The following VASP variants were observed in gnomAD, a reference collection of about 807,000 sequenced individuals.
VASP encodes vasodilator-stimulated phosphoprotein.
VASP carries 27 observed loss-of-function variants against 54.4 expected under a neutral mutation model. The ratio of observed to expected loss-of-function variants is 0.50; its 90% CI spans 0.37 to 0.68. The LOEUF (loss-of-function observed/expected upper bound fraction) is 0.68. Ranked by LOEUF, VASP falls within the 30% of genes least tolerant of loss-of-function variation. The pLI is 0.00. For synonymous variants in VASP, 233 were observed against 209.8 expected (o/e 1.11, Z -0.96); for missense variants, 488 against 528.3 (o/e 0.92, Z 0.75).
At position 45,523,849 on chromosome 19, in the gene VASP, G is replaced by C; in HGVS notation, c.882G>C (p.Glu294Asp). The C allele has an allele frequency of 6.2e-7, 1 of 1,614,022 alleles. No individual in the cohort carries two copies. The highest frequency in any genetic ancestry group is 1.3e-5 in the African/African-American group (1 of 74,982). Residue 294 changes from glutamate to aspartate, a missense_variant, in exon 9 of 13, where the codon GAG (glutamate) becomes GAC (aspartate). Transcript: ENST00000245932. ...TPKDESANQE[E>D]PEARVPAQSE... ...GTTTTATTTCCTACCAGCAGGAGGAGCCAGAGGCCAGAGTCCCGGCCCAGA... is the reference window on the plus strand; with the variant it reads ...GTTTTATTTCCTACCAGCAGGAGGACCCAGAGGCCAGAGTCCCGGCCCAGA...
rs1183931586 is a variant in VASP at position 45,522,813 on chromosome 19, CCGG to C, written c.817_819del (p.Arg275del). ...TGGAAGAGATGAACGCCATGCTGGC[CCGG>C]AGGTGAGCCTGAGCCTGGACCCCCA... On this transcript the variant is annotated inframe_deletion and splice_region_variant, in exon 7 of 13. Transcript: ENST00000245932. 6.2e-7 allele frequency: 1 copy of C among 1,606,104 alleles called. No individual in the cohort carries two copies. Among genetic ancestry groups the C allele is most frequent in the Non-Finnish European group, 8.5e-7 (1 of 1,177,220 alleles).
chr19:45,525,079 T>G, intron 11 of VASP: 1 of 186,578 alleles, frequency 5.4e-6, no homozygotes. Context: ...GATGTAGGGG[T>G]AGGTCTCAAA....
At chr19:45,516,023 C>T (rs1166879512) in intron 1 of VASP, among the ~76,000 whole-genome samples, 2 of 152,220 alleles carry the variant, frequency 1.3e-5, no homozygotes, top group Admixed American at 1.3e-4. Context: ...AGCTCCTGAA[C>T]TCTGCACCAG....
chr19:45,509,461 C>T (rs1968556447), intron 1 of VASP, among the ~76,000 whole-genome samples: 2 of 152,128 alleles, frequency 1.3e-5, no homozygotes, highest in African/African-American at 4.8e-5. Context: ...AGTGCTGCCT[C>T]ACTCACTGCA....
intron 11 of VASP, 180 bp downstream of exon 11, chr19:45,524,840 T>TG: frequency 1.7e-6 from 1 of 583,754 alleles, no homozygotes; most frequent in Non-Finnish European, 3.1e-6. Context: ...CTGGCACCTG[T>TG]GACAGACATT....
At chr19:45,519,684 C>T (rs1248170683) in intron 3 of VASP, among the ~76,000 whole-genome samples, 1 of 150,846 alleles carries the variant, frequency 6.6e-6, no homozygotes, top group South Asian at 2.1e-4. Context: ...CAAGCTCTGC[C>T]TCCCGGGTAA....
chr19:45,512,842 G>T (rs1159654935), intron 1 of VASP, among the ~76,000 whole-genome samples: 1 of 151,928 alleles, frequency 6.6e-6, no homozygotes, highest in South Asian at 2.1e-4. Flanking sequence ...CTTGTGATCC[G>T]CCTGCCTTGG....
chr19:45,510,425 C>T lies in VASP; in HGVS notation c.5+2649C>T, dbSNP rs143674072. Among the ~76,000 whole-genome samples, 1,017 of 152,158 alleles carry T rather than the reference C, an allele frequency of 6.7e-3. 21 individuals are homozygous for T. Among genetic ancestry groups the T allele is most frequent in the Admixed American group, 0.041 (632 of 15,246 alleles). ...ATTTTTAGTAGAGATAGGGTTTCAC[C>T]GTGATGGCCAGGCTGGTCTCGAACT... On this transcript the variant is annotated intron_variant, in intron 1 of 12. Transcript: ENST00000245932.
chr19:45,521,940 T>C (rs1968844495), intron 4 of VASP, among the ~76,000 whole-genome samples: 1 of 151,996 alleles, frequency 6.6e-6, no homozygotes, highest in African/African-American at 2.4e-5. Context: ...CCTGACAGTT[T>C]AGTGACTGGG....
At chr19:45,516,706 GT>G (rs1377777249) in intron 1 of VASP, among the ~76,000 whole-genome samples, 1 of 151,954 alleles carries the variant, frequency 6.6e-6, no homozygotes, top group Non-Finnish European at 1.5e-5. Context: ...CATTAAAAAA[GT>G]TTTTTTGTGG....
rs1466670061 is a variant in VASP, at chr19:45,507,849, C to T, written c.5+73C>T. On this transcript the variant is annotated intron_variant, in intron 1 of 12. Transcript: ENST00000245932. The surrounding 1 kb of genome is among the most constrained non-coding windows in gnomAD (Gnocchi z 4.4). The stretch of plus-strand genomic sequence containing the variant: ...CGCCCCGCCTTTGTCCCCCTCCCCC[C>T]CAGCTAGCTCCGGGCTGGAATTTGG... 1 of 969,822 alleles carries T rather than the reference C, an allele frequency of 1.0e-6. No homozygotes were observed. Among genetic ancestry groups the T allele is most frequent in the South Asian group, 2.1e-5 (1 of 47,372 alleles). 60.1% of individuals were successfully genotyped at this position (969,822 alleles called of 1,614,324 possible).
rs146891027 is a variant in VASP, at chr19:45,509,265, C to T, written c.5+1489C>T. On this transcript the variant is annotated intron_variant, in intron 1 of 12. Transcript: ENST00000245932. ...CTCAAGACTTCCTGCCTATCCGCTC[C>T]CCATTATAGCAACATCCCTTCCAAG... Among the ~76,000 whole-genome samples the T allele has an allele frequency of 8.4e-4, 128 of 152,334 alleles. No homozygotes were observed. In the Middle Eastern group the frequency reaches 0.017, roughly 20 times the overall value.
chr19:45,518,391 C>T (rs1968755364), intron 3 of VASP, among the ~76,000 whole-genome samples: 1 of 151,986 alleles, frequency 6.6e-6, no homozygotes. Flanking sequence ...GGTGAAATTG[C>T]GTCTCTATTA....
In VASP at chr19:45,519,894, CTTTTTTTTTTTTT is replaced by C. The variant is rs57892194; in HGVS notation, c.344-1412_344-1400del. Among the ~76,000 whole-genome samples, 492 of 51,004 alleles carry C rather than the reference CTTTTTTTTTTTTT, an allele frequency of 9.6e-3. 12 individuals carry two copies. The highest frequency in any genetic ancestry group is 0.043 in the African/African-American group (443 of 10,234). 33.5% of individuals were successfully genotyped at this position (51,004 alleles called of 152,430 possible). A position where few individuals can be genotyped will look rare whatever the true frequency, so the allele number is the denominator to read the frequency against. On this transcript the variant is annotated intron_variant, in intron 3 of 12. Transcript: ENST00000245932. ...ACAGGCGTGAGCCACTGCGCCCGGC[CTTTTTTTTTTTTT>C]TTTTTTTTTTTTTTTAATATGGAGT... is the stretch of plus-strand genomic sequence containing the variant.
intron 1 of VASP, among the ~76,000 whole-genome samples, chr19:45,517,005 AAG>A (rs1555728201): frequency 6.9e-6 from 1 of 145,502 alleles, no homozygotes; most frequent in African/African-American, 2.6e-5. Flanking sequence ...AAAAAAAAAA[AAG>A]ATTAGTCGGG....
At chr19:45,510,536 G>T (rs956351030) in intron 1 of VASP, among the ~76,000 whole-genome samples, 1 of 152,082 alleles carries the variant, frequency 6.6e-6, no homozygotes, top group African/African-American at 2.4e-5. Flanking sequence ...CCTCATGGCA[G>T]TTCGAACAAT....
rs556470320 is a variant in VASP, at chr19:45,524,182, G to A, written c.956+40G>A. The A allele has an allele frequency of 1.7e-5, 27 of 1,611,136 alleles. No individual in the cohort carries two copies. The East Asian group carries it at 4.2e-4, about 25-fold the overall frequency. On this transcript the variant is annotated intron_variant, in intron 10 of 12. Coordinates refer to ENST00000245932, the MANE Select transcript of VASP (RefSeq NM_003370.4). The stretch of plus-strand genomic sequence containing the variant: ...CTGGGGCCCTTGGGGAGGTAAAGGC[G>A]GGCAGATCGCTTGAGCCCAGGAGGT...
chr19:45,514,248 G>C (rs1735212872), intron 1 of VASP, among the ~76,000 whole-genome samples: 1 of 152,150 alleles, frequency 6.6e-6, no homozygotes, highest in African/African-American at 2.4e-5. Context: ...GAGTCCCCAA[G>C]GGACAGTGGA....
chr19:45,517,420 G>T (rs561752050), intron 1 of VASP, among the ~76,000 whole-genome samples: 292 of 148,576 alleles, frequency 2.0e-3, no homozygotes, highest in African/African-American at 6.6e-3. Flanking sequence ...TTGTCAACCC[G>T]ACTCTCCCTT....
Sources: gnomAD v4.1 joint callset for allele counts (sites outside exome capture counted in the v4.1 genomes callset) on GRCh38, gnomAD v4.1.1 for gene constraint, Gnocchi (gnomAD v3.1) non-coding constraint, MANE v1.5 for transcripts, NCBI Gene and HGNC (gene_info 2026-07-23, HGNC 2026-07-21) for gene names.